Variants in CHN1 observed in about 807,000 individuals in gnomAD.
The protein encoded by CHN1 is N-chimaerin.
A neutral mutation model predicts 59.5 loss-of-function variants in CHN1; 37 were observed. The ratio of observed to expected loss-of-function variants is 0.62; its 90% confidence interval spans 0.48 to 0.82. The LOEUF is 0.82. Among genes scored for constraint, CHN1 ranks in the 40% least tolerant of loss-of-function variants. CHN1 has a pLI of 0.00. For synonymous variants in CHN1, 206 were observed against 200.4 expected (o/e 1.03, Z -0.24); for missense variants, 469 against 571.0 (o/e 0.82, Z 1.82).
chr2:174,956,835 G>A (rs1322153233), intron 1 of CHN1, among the ~76,000 whole-genome samples: 1 of 151,678 alleles, frequency 6.6e-6, no homozygotes, highest in Middle Eastern at 3.2e-3. Context: ...ATGAAATAAT[G>A]CAGCAAATAG....
chr2:175,004,988 C>G lies in CHN1; in HGVS notation c.-76G>C. ...GCTAGGGATCACCTCATCAGCCCGC[C>G]GCACCCACACCTCGGAGAGAGTGGG... On this transcript the variant is annotated 5_prime_UTR_variant, in exon 1 of 13. Coordinates refer to ENST00000409900, the MANE Select transcript of CHN1 (RefSeq NM_001822.7). The G allele has an allele frequency of 6.6e-7, 1 of 1,506,258 alleles. No homozygotes were observed. The highest frequency in any genetic ancestry group is 8.8e-7 in the Non-Finnish European group (1 of 1,130,496). 93.3% of individuals were successfully genotyped at this position (1,506,258 alleles called of 1,614,324 possible).
At chr2:174,888,025 TA>T (rs1687940785) in intron 5 of CHN1, among the ~76,000 whole-genome samples, 1 of 152,180 alleles carries the variant, frequency 6.6e-6, no homozygotes. Context: ...TGCACTTAGG[TA>T]TATTTATAGA....
At chr2:174,868,551 T>G (rs2105461993) in intron 6 of CHN1, among the ~76,000 whole-genome samples, 1 of 152,338 alleles carries the variant, frequency 6.6e-6, no homozygotes, top group African/African-American at 2.4e-5. Context: ...ATTTAATCTT[T>G]TTAAAAGAAA....
At chr2:174,981,389 T>C (rs1167883888) in intron 1 of CHN1, among the ~76,000 whole-genome samples, 1 of 152,190 alleles carries the variant, frequency 6.6e-6, no homozygotes, top group Non-Finnish European at 1.5e-5. Context: ...AACCATTATC[T>C]TTTGTTACTG....
At chr2:174,817,124 CAA>C (rs1332369810) in intron 8 of CHN1, among the ~76,000 whole-genome samples, 1 of 152,150 alleles carries the variant, frequency 6.6e-6, no homozygotes, top group African/African-American at 2.4e-5. Flanking sequence ...ATCATGTACT[CAA>C]AGTTATATTT....
intron 6 of CHN1, 159 bp from the exon 7 acceptor site, chr2:174,847,116 A>T: frequency 6.5e-7 from 1 of 1,549,906 alleles, no homozygotes; most frequent in Non-Finnish European, 8.7e-7. Flanking sequence ...CCTGACCAAG[A>T]CTCTTTGGAT....
At chr2:174,803,116 G>A (rs1243714728) in intron 11 of CHN1, among the ~76,000 whole-genome samples, 1 of 152,078 alleles carries the variant, frequency 6.6e-6, no homozygotes, top group Non-Finnish European at 1.5e-5. Flanking sequence ...TCAGGGTGGT[G>A]GCCTTGAAAT....
intron 1 of CHN1, among the ~76,000 whole-genome samples, chr2:174,994,310 A>G (rs1691638312): frequency 6.6e-6 from 1 of 152,220 alleles, no homozygotes; most frequent in Admixed American, 6.5e-5. Flanking sequence ...TGACAGAATG[A>G]CACATTTACT....
intron 1 of CHN1, among the ~76,000 whole-genome samples, chr2:174,956,771 CAAAAAA>C (rs34248216): frequency 9.6e-6 from 1 of 104,618 alleles, no homozygotes; most frequent in African/African-American, 3.7e-5. Context: ...GACTCCATCT[CAAAAAA>C]AAAAAAAAAA....
chr2:174,962,286 A>AAAAC lies in CHN1; in HGVS notation c.20-10088_20-10085dup, dbSNP rs751415653. Among the ~76,000 whole-genome samples, 54 of 152,280 alleles carry AAAAC rather than the reference A, an allele frequency of 3.5e-4. 1 individual carries two copies. The highest frequency in any genetic ancestry group is 1.2e-3 in the African/African-American group (50 of 41,570). ...GGCAACAGACCAAGACTCTGTCTCA[A>AAAAC]AAACAAACAAACAAACAAAGAAGAA... On this transcript the variant is annotated intron_variant, in intron 1 of 12. Coordinates refer to ENST00000409900, the MANE Select transcript of CHN1 (RefSeq NM_001822.7).
intron 1 of CHN1, among the ~76,000 whole-genome samples, chr2:174,984,828 G>GC (rs2105454317): frequency 6.6e-6 from 1 of 152,278 alleles, no homozygotes; most frequent in South Asian, 2.1e-4. Context: ...CATTATGCAA[G>GC]CTTAGCAGCC....
chr2:174,953,893 A>G (rs188995605), intron 1 of CHN1, among the ~76,000 whole-genome samples: 1 of 152,266 alleles, frequency 6.6e-6, no homozygotes, highest in African/African-American at 2.4e-5. Context: ...ATTCAATGCA[A>G]CTCCCATCAA....
intron 8 of CHN1, among the ~76,000 whole-genome samples, chr2:174,820,583 G>A (rs2105396165): frequency 6.6e-6 from 1 of 152,324 alleles, no homozygotes; most frequent in African/African-American, 2.4e-5. Context: ...TGGTGGGTGA[G>A]ACTTTGCAAT....
chr2:174,851,485 T>C, intron 6 of CHN1, among the ~76,000 whole-genome samples: 1 of 152,154 alleles, frequency 6.6e-6, no homozygotes, highest in Non-Finnish European at 1.5e-5. Flanking sequence ...TTTCTCCATG[T>C]TGCCCAGGCT....
rs535797670 is a variant in CHN1 at position 174,840,109 on chromosome 2, T to C, written c.627+6771A>G. 3.3e-3 allele frequency among the ~76,000 whole-genome samples: 508 copies of C among 151,910 alleles called. 5 individuals are homozygous for C. The highest frequency in any genetic ancestry group is 0.012 in the African/African-American group (486 of 41,444). Reference sequence around the variant, plus strand: ...GAGGAATATGGCATTATTATACATATGTGGCACATAAAATTAAAGGTATTT... The same window carrying C: ...GAGGAATATGGCATTATTATACATACGTGGCACATAAAATTAAAGGTATTT... On this transcript the variant is annotated intron_variant, in intron 7 of 12. Transcript: ENST00000409900.
At chr2:174,986,167 T>G (rs1251675889) in intron 1 of CHN1, among the ~76,000 whole-genome samples, 1 of 152,176 alleles carries the variant, frequency 6.6e-6, no homozygotes, top group African/African-American at 2.4e-5. Flanking sequence ...ATATATTATG[T>G]AATGAAGCTT....
At position 174,842,529 on chromosome 2, in the gene CHN1, A is replaced by C. The variant is rs541521605; in HGVS notation, c.627+4351T>G. On this transcript the variant is annotated intron_variant, in intron 7 of 12. Transcript: ENST00000409900. ...AGAACCCTTAGACCATGTGGTTTAA[A>C]ACTTCACAGTTTATATTAAAATTAT... 3.9e-5 allele frequency among the ~76,000 whole-genome samples: 6 copies of C among 152,288 alleles called. No homozygotes were observed. The South Asian group carries it at 1.2e-3, about 32-fold the overall frequency.
In CHN1 at chr2:174,944,870, C is replaced by A; in HGVS notation, c.114+18G>T. 1 of 1,562,704 alleles carries A rather than the reference C, an allele frequency of 6.4e-7. No homozygotes were observed. The highest frequency in any genetic ancestry group is 8.7e-7 in the Non-Finnish European group (1 of 1,150,542). On this transcript the variant is annotated intron_variant, in intron 3 of 12. Transcript: ENST00000409900. ...ATGGTTGAGAGACATTTTTTGGTAGCAGTTTCATTACACCCACCTCGCAAG... is the reference window on the plus strand; with the variant it reads ...ATGGTTGAGAGACATTTTTTGGTAGAAGTTTCATTACACCCACCTCGCAAG...
At chr2:174,868,387 T>C (rs958699966) in intron 6 of CHN1, among the ~76,000 whole-genome samples, 1 of 152,080 alleles carries the variant, frequency 6.6e-6, no homozygotes, top group African/African-American at 2.4e-5. Context: ...CTCTAGAATA[T>C]GGCCAATAAA....
Sources: gnomAD v4.1 joint callset for allele counts (sites outside exome capture counted in the v4.1 genomes callset) on GRCh38, gnomAD v4.1.1 for gene constraint, MANE v1.5 for transcripts, NCBI Gene and HGNC (gene_info 2026-07-23, HGNC 2026-07-21) for gene names.